The following ROBO1 variants were observed in gnomAD, a reference collection of about 807,000 sequenced individuals.
ROBO1 encodes roundabout guidance receptor 1, also known as roundabout homolog 1.
In ROBO1, 149 loss-of-function variants were observed where a neutral mutation model predicts 195.9. The ratio of observed to expected loss-of-function variants is 0.76; its 90% confidence interval spans 0.67 to 0.87. The LOEUF is 0.87. ROBO1 is among the 40% of genes least tolerant of loss of function. The pLI is 0.00. For missense variants in ROBO1, 1,933 were observed against 2,068.3 expected, an observed-to-expected ratio of 0.93 and a Z score of 1.27; for synonymous variants, 816 against 733.2, an observed-to-expected ratio of 1.11 and a Z score of -1.82.
At chr3:79,525,576 T>G (rs1297783576) in intron 2 of ROBO1, among the ~76,000 whole-genome samples, 1 of 147,754 alleles carries the variant, frequency 6.8e-6, no homozygotes, top group Non-Finnish European at 1.5e-5. Context: ...ATATTTTTTT[T>G]GGTATGTGTT....
intron 4 of ROBO1, among the ~76,000 whole-genome samples, chr3:78,937,439 A>G (rs1258099678): frequency 1.3e-5 from 2 of 152,000 alleles, no homozygotes; most frequent in Non-Finnish European, 2.9e-5. Context: ...ATATAGTTTT[A>G]TAGAGAATTA....
intron 2 of ROBO1, among the ~76,000 whole-genome samples, chr3:79,284,968 C>T (rs961979802): frequency 6.6e-6 from 1 of 151,988 alleles, no homozygotes; most frequent in African/African-American, 2.4e-5. Flanking sequence ...TTAACCACAT[C>T]CGTTTGTTTC....
chr3:78,960,825 CACACACACAA>C (rs1311563832), intron 3 of ROBO1, among the ~76,000 whole-genome samples: 4 of 140,690 alleles, frequency 2.8e-5, no homozygotes, highest in Non-Finnish European at 6.3e-5. Flanking sequence ...CACACACACA[CACACACACAA>C]AATGAAAATG....
At chr3:79,052,351 C>G (rs749907738) in intron 3 of ROBO1, among the ~76,000 whole-genome samples, 10 of 152,046 alleles carry the variant, frequency 6.6e-5, no homozygotes, top group Non-Finnish European at 1.3e-4. Flanking sequence ...TGGTTGTCTG[C>G]TCTTGAACCC....
chr3:79,044,831 C>A (rs1315498941), intron 3 of ROBO1, among the ~76,000 whole-genome samples: 1 of 151,730 alleles, frequency 6.6e-6, no homozygotes, highest in Non-Finnish European at 1.5e-5. Context: ...TGTAATCAGA[C>A]CCAGCCTTTA....
intron 4 of ROBO1, among the ~76,000 whole-genome samples, chr3:78,824,849 A>G (rs983488633): frequency 6.6e-6 from 1 of 152,118 alleles, no homozygotes; most frequent in African/African-American, 2.4e-5. Context: ...TTTATTAGGC[A>G]ATGTTTGAAT....
intron 4 of ROBO1, among the ~76,000 whole-genome samples, chr3:78,930,995 T>G (rs1427170873): frequency 2.0e-5 from 3 of 152,150 alleles, no homozygotes; most frequent in African/African-American, 7.2e-5. Flanking sequence ...AGTTATTTAT[T>G]TGGCTAGTTG....
intron 4 of ROBO1, among the ~76,000 whole-genome samples, chr3:78,881,070 C>G (rs918483644): frequency 5.3e-5 from 8 of 152,150 alleles, no homozygotes; most frequent in African/African-American, 1.9e-4. Flanking sequence ...ATATTGTCAA[C>G]AGATGCGGGG....
At chr3:79,234,328 T>C (rs1383493211) in intron 2 of ROBO1, among the ~76,000 whole-genome samples, 1 of 152,150 alleles carries the variant, frequency 6.6e-6, no homozygotes, top group Non-Finnish European at 1.5e-5. Context: ...AGGTCTTACA[T>C]TTAAATCGTT....
chr3:78,610,507 A>G (rs1349769635), intron 28 of ROBO1, among the ~76,000 whole-genome samples: 2 of 152,160 alleles, frequency 1.3e-5, no homozygotes, highest in African/African-American at 2.4e-5. Context: ...TTTCTGCACT[A>G]TCTGCTTGCT....
intron 2 of ROBO1, among the ~76,000 whole-genome samples, chr3:79,142,614 GT>G (rs2108616427): frequency 6.6e-6 from 1 of 152,220 alleles, no homozygotes; most frequent in South Asian, 2.1e-4. Context: ...AAGACTTTTT[GT>G]TCTAATGATG....
chr3:79,452,613 A>C (rs2039481183), intron 2 of ROBO1, among the ~76,000 whole-genome samples: 1 of 152,092 alleles, frequency 6.6e-6, no homozygotes, highest in Non-Finnish European at 1.5e-5. Flanking sequence ...GAATGACTGA[A>C]CTAGTCAATT....
intron 4 of ROBO1, among the ~76,000 whole-genome samples, chr3:78,834,853 T>G (rs1213452070): frequency 6.6e-6 from 1 of 152,174 alleles, no homozygotes; most frequent in African/African-American, 2.4e-5. Context: ...CGTGTTGCAC[T>G]AAACAGTTGG....
chr3:78,912,898 T>G (rs1030928637), intron 4 of ROBO1, among the ~76,000 whole-genome samples: 1 of 152,108 alleles, frequency 6.6e-6, no homozygotes. Context: ...TCACAAGAAG[T>G]GTTTCTGCTG....
Position 78,675,198 on chromosome 3 carries a change from G to A in ROBO1, c.1343-4897C>T, listed in dbSNP as rs569468890. Among the ~76,000 whole-genome samples the A allele has an allele frequency of 5.3e-5, 8 of 151,158 alleles. No homozygotes were observed. The South Asian group carries it at 1.5e-3, about 28-fold the overall frequency. Reference sequence around the variant, plus strand: ...AAATCAGCTGGCAGCCAAGATGGCCGAATAGGAACAGCTCCAGTCTACAGC... The same window carrying A: ...AAATCAGCTGGCAGCCAAGATGGCCAAATAGGAACAGCTCCAGTCTACAGC... On this transcript the variant is annotated intron_variant, in intron 10 of 30. Coordinates refer to ENST00000464233, the MANE Select transcript of ROBO1 (RefSeq NM_002941.4).
chr3:78,718,782 AGAAG>A (rs10558820), intron 5 of ROBO1, among the ~76,000 whole-genome samples: 47,927 of 112,856 alleles, frequency 0.42, 11,904 homozygotes, highest in Middle Eastern at 0.57. Flanking sequence ...AGATAAAGGA[AGAAG>A]GAAGGAAGGA....
intron 1 of ROBO1, among the ~76,000 whole-genome samples, chr3:79,624,170 C>T (rs556578492): frequency 3.3e-5 from 5 of 152,106 alleles, no homozygotes; most frequent in African/African-American, 1.2e-4. Context: ...TACCACCAGG[C>T]CTACCATGCA....
chr3:79,717,166 A>G (rs1309011678), intron 1 of ROBO1, among the ~76,000 whole-genome samples: 2 of 151,748 alleles, frequency 1.3e-5, no homozygotes, highest in South Asian at 2.1e-4. Flanking sequence ...GTATATTTAT[A>G]CTTTAAATGT....
intron 8 of ROBO1, among the ~76,000 whole-genome samples, chr3:78,711,348 C>CTCCTTTCTTCCTTCCTTCCTTCCTTCCT (rs1575992298): frequency 1.8e-5 from 1 of 54,690 alleles, no homozygotes; most frequent in African/African-American, 9.2e-5. Flanking sequence ...TCCTTCCTTC[C>CTCCTTTCTTCCTTCCTTCCTTCCTTCCT]TCCTTCCTTC....
Sources: allele counts gnomAD v4.1 joint callset (sites outside exome capture counted in the v4.1 genomes callset), GRCh38; gene constraint gnomAD v4.1.1; transcripts MANE v1.5; gene names NCBI Gene and HGNC (gene_info 2026-07-23, HGNC 2026-07-21).